Variants in NECAB2 observed in about 807,000 individuals in gnomAD.
NECAB2 encodes N-terminal EF-hand calcium binding protein 2, also known as N-terminal EF-hand calcium-binding protein 2.
Under a neutral mutation model 51.9 loss-of-function variants are expected in NECAB2, and 68 were observed. The observed-to-expected ratio is 1.31, with a 90% confidence interval of 1.08 to 1.60. The LOEUF (loss-of-function observed/expected upper bound fraction) is 1.60. Ranked by LOEUF, NECAB2 falls within the 40% of genes most tolerant of loss-of-function variation. NECAB2 has a pLI of 0.00. For synonymous variants in NECAB2, 329 were observed against 203.5 expected (o/e 1.62, Z -5.25); for missense variants, 854 against 490.3 (o/e 1.74, Z -7.00).
At chr16:83,998,592 A>G (rs564863876) in intron 10 of NECAB2, among the ~76,000 whole-genome samples, 1 of 152,184 alleles carries the variant, frequency 6.6e-6, no homozygotes, top group African/African-American at 2.4e-5. Flanking sequence ...ATGAGTGCAT[A>G]TACAATCAAG....
At chr16:83,975,899 G>A (rs1016441457) in intron 2 of NECAB2, among the ~76,000 whole-genome samples, 4 of 152,196 alleles carry the variant, frequency 2.6e-5, no homozygotes, top group Non-Finnish European at 5.9e-5. Context: ...GGGGGCCTAC[G>A]TAGGGCATGT....
intron 5 of NECAB2, among the ~76,000 whole-genome samples, chr16:83,984,468 A>G (rs969412468): frequency 6.6e-6 from 1 of 151,342 alleles, no homozygotes; most frequent in Non-Finnish European, 1.5e-5. Flanking sequence ...CACGCCTGTA[A>G]TTCCAGCACT....
intron 6 of NECAB2, among the ~76,000 whole-genome samples, chr16:83,991,297 C>T (rs917730085): frequency 2.8e-4 from 43 of 151,642 alleles, no homozygotes; most frequent in African/African-American, 9.0e-4. Flanking sequence ...TTCTCTTTCT[C>T]TCTCTCTCTT....
rs1029690325 is a variant in NECAB2, at chr16:83,968,670, C to T, written c.22C>T (p.Leu8=). MCERAAR[L]CRAGAHRLLR... ...CGCGATGTGCGAGCGGGCGGCGCGC[C>T]TGTGCAGGGCCGGCGCGCACAGGCT... Residue 8 remains leucine (L), a synonymous_variant, in exon 1 of 13, where the codon CTG becomes TTG. Transcript: ENST00000305202. The T allele has an allele frequency of 3.1e-5, 31 of 984,624 alleles. No homozygotes were observed. The African/African-American group carries it at 3.2e-4, about 10-fold the overall frequency. The allele number at this position is 984,624 out of a possible 1,614,324, so 61.0% of individuals were successfully genotyped here. A position where few individuals can be genotyped will look rare whatever the true frequency, so the allele number is the denominator to read the frequency against.
Position 84,002,387 on chromosome 16 carries a change from C to T in NECAB2, c.*41C>T, listed in dbSNP as rs755078656. On this transcript the variant is annotated 3_prime_UTR_variant, in exon 13 of 13. Coordinates refer to ENST00000305202, the MANE Select transcript of NECAB2 (RefSeq NM_019065.3). ...CCGTGGAGGAGCCCACCAGCCCCTTCTTCTTGTGAAGGAAATCCCGTTTTT... is the reference window on the plus strand; with the variant it reads ...CCGTGGAGGAGCCCACCAGCCCCTTTTTCTTGTGAAGGAAATCCCGTTTTT... 6.2e-6 allele frequency: 10 copies of T among 1,600,736 alleles called. No individual in the cohort carries two copies. Among genetic ancestry groups the T allele is most frequent in the Non-Finnish European group, 8.5e-6 (10 of 1,174,362 alleles).
intron 1 of NECAB2, chr16:83,971,855 C>G (rs901334320): frequency 1.8e-6 from 1 of 565,106 alleles, no homozygotes; most frequent in East Asian, 3.0e-5. Flanking sequence ...TGACTGTGGA[C>G]CTACACCTGC....
At chr16:84,000,901 GTCCAGTCAGCA>G in intron 11 of NECAB2, 100 bp downstream of exon 11, 1 of 1,204,030 alleles carries the variant, frequency 8.3e-7, no homozygotes, top group Non-Finnish European at 1.2e-6. Flanking sequence ...GTAAGGCCGA[GTCCAGTCAGCA>G]GATTCCCGAG....
In NECAB2 at chr16:84,000,923, G is replaced by C. The variant is rs1010631525; in HGVS notation, c.1040+122G>C. 4.3e-6 allele frequency: 4 copies of C among 921,590 alleles called. No individual in the cohort carries two copies. The East Asian group carries it at 1.0e-4, about 23-fold the overall frequency. The allele number at this position is 921,590 out of a possible 1,614,324, so 57.1% of individuals were successfully genotyped here. On this transcript the variant is annotated intron_variant, in intron 11 of 12. Coordinates refer to ENST00000305202, the MANE Select transcript of NECAB2 (RefSeq NM_019065.3). The stretch of plus-strand genomic sequence containing the variant: ...CGAGTCCAGTCAGCAGATTCCCGAG[G>C]CATCTACCCGCTGGCATGCTTGCGT...
Position 83,998,214 on chromosome 16 carries a change from C to G in NECAB2, c.859C>G (p.Leu287Val), listed in dbSNP as rs777877025. The change falls in exon 10 of 13, where the codon CTG (leucine) becomes GTG (valine). Residue 287 changes from leucine (L) to valine (V), a missense_variant. Leu to Val is a conservative substitution (Grantham distance 32). Coordinates refer to ENST00000305202, the MANE Select transcript of NECAB2 (RefSeq NM_019065.3). The stretch of plus-strand genomic sequence containing the variant: ...CTGCTGTGCCCGGCAGCACCTGCAG[C>G]TGGTCCGGCAGGAGATGGCCGTGTG... ...DEDGTNMHLQ[L>V]VRQEMAVCPE... is the part of the protein sequence containing the mutation. 11 of 1,609,752 alleles carry G rather than the reference C, an allele frequency of 6.8e-6. No individual in the cohort carries two copies. The highest frequency in any genetic ancestry group is 9.3e-6 in the Non-Finnish European group (11 of 1,179,958).
intron 11 of NECAB2, among the ~76,000 whole-genome samples, chr16:84,001,221 G>A (rs1040534476): frequency 7.9e-5 from 12 of 151,938 alleles, no homozygotes; most frequent in African/African-American, 2.9e-4. Flanking sequence ...CGGAGATGGG[G>A]TAGGGTGTCA....
chr16:83,997,156 G>A, intron 8 of NECAB2, 60 bp from the exon 9 acceptor site: 4 of 1,608,436 alleles, frequency 2.5e-6, no homozygotes, highest in Non-Finnish European at 1.7e-6. Context: ...CAGAGCTCCT[G>A]GCTCCCCGGG....
At chr16:84,000,625 T>G in intron 10 of NECAB2, 99 bp from the exon 11 acceptor site, 5 of 860,422 alleles carry the variant, frequency 5.8e-6, no homozygotes, top group African/African-American at 1.6e-5. Context: ...AAGGCAGCCG[T>G]TGTGTATAGT....
At chr16:84,002,067 T>G (rs1597235785) in intron 12 of NECAB2, 151 bp downstream of exon 12, 2 of 1,046,708 alleles carry the variant, frequency 1.9e-6, no homozygotes, top group East Asian at 2.6e-5. Context: ...GAGCCAGCCC[T>G]GAGGTGGCCC....
intron 3 of NECAB2, 66 bp downstream of exon 3, chr16:83,978,618 C>A (rs1312018989): frequency 5.9e-6 from 8 of 1,361,314 alleles, no homozygotes; most frequent in Non-Finnish European, 8.3e-6. Flanking sequence ...ATCTTTTCAT[C>A]TAGTGTCCGT....
chr16:83,990,704 G>A, intron 6 of NECAB2, 74 bp downstream of exon 6: 1 of 1,572,286 alleles, frequency 6.4e-7, no homozygotes. Context: ...GCTGCTTGGT[G>A]GGGATGTCTG....
At chr16:83,981,469 C>T (rs1306474044) in intron 5 of NECAB2, among the ~76,000 whole-genome samples, 2 of 20,704 alleles carry the variant, frequency 9.7e-5, no homozygotes, top group African/African-American at 2.0e-4. Context: ...GAAGAGGGGG[C>T]GGGGTGGGGC....
intron 11 of NECAB2, 123 bp from the exon 12 acceptor site, chr16:84,001,702 C>A: frequency 9.8e-7 from 1 of 1,019,798 alleles, no homozygotes; most frequent in Non-Finnish European, 1.5e-6. Flanking sequence ...GGCTCTGAGT[C>A]CAAAGACCCC....
chr16:83,998,832 G>C (rs147981441), intron 10 of NECAB2, among the ~76,000 whole-genome samples: 2 of 152,180 alleles, frequency 1.3e-5, no homozygotes, highest in African/African-American at 2.4e-5. Context: ...TGTCCAGGGC[G>C]GGGCAAGCGG....
chr16:83,998,218 T>G lies in NECAB2; in HGVS notation c.863T>G (p.Val288Gly), dbSNP rs1234203917. The G allele has an allele frequency of 1.2e-6, 2 of 1,610,260 alleles. No individual in the cohort carries two copies. Among genetic ancestry groups the G allele is most frequent in the East Asian group, 2.2e-5 (1 of 44,856 alleles). The change falls in exon 10 of 13, where the codon GTC becomes GGC. Residue 288 changes from valine (V) to glycine (G), a missense_variant. Val to Gly is a moderately radical substitution (Grantham distance 109, BLOSUM62 -3). Transcript: ENST00000305202. Reference sequence around the variant, plus strand: ...TGTGCCCGGCAGCACCTGCAGCTGGTCCGGCAGGAGATGGCCGTGTGCCCC... The same window carrying G: ...TGTGCCCGGCAGCACCTGCAGCTGGGCCGGCAGGAGATGGCCGTGTGCCCC... Reference protein sequence around the residue: ...EDGTNMHLQLVRQEMAVCPEQ... With the variant: ...EDGTNMHLQLGRQEMAVCPEQ...
Sources: gnomAD v4.1 joint callset for allele counts (sites outside exome capture counted in the v4.1 genomes callset) on GRCh38, gnomAD v4.1.1 for gene constraint, MANE v1.5 for transcripts, NCBI Gene and HGNC (gene_info 2026-07-23, HGNC 2026-07-21) for gene names.